The following CRB1 variants were observed in gnomAD, a reference collection of about 807,000 sequenced individuals.
The protein encoded by CRB1 is protein crumbs homolog 1.
In CRB1, 83 loss-of-function variants were observed where a neutral mutation model predicts 120.0. That is an observed-to-expected ratio of 0.69 (90% CI 0.58 to 0.83). The LOEUF is 0.83. Ranked by LOEUF, CRB1 falls within the 40% of genes least tolerant of loss-of-function variation. The pLI is 0.00. For missense variants in CRB1, 1,699 were observed against 1,687.6 expected, an observed-to-expected ratio of 1.01 and a Z score of -0.12; for synonymous variants, 625 against 612.5, an observed-to-expected ratio of 1.02 and a Z score of -0.30.
chr1:197,450,875 G>A (rs1482426912), intron 11 of CRB1, among the ~76,000 whole-genome samples: 3 of 147,690 alleles, frequency 2.0e-5, no homozygotes, highest in South Asian at 4.3e-4. Flanking sequence ...CAGGAGAATG[G>A]CGTGAACCCG....
chr1:197,240,974 G>A, the CRB1 span, among the ~76,000 whole-genome samples: 1 of 152,148 alleles, frequency 6.6e-6, no homozygotes, highest in African/African-American at 2.4e-5. Context: ...TTTCTCATAT[G>A]TTTGTTGGCC....
chr1:197,255,996 T>TATATATATATATATATATATATACAC, the CRB1 span, among the ~76,000 whole-genome samples: 5 of 116,704 alleles, frequency 4.3e-5, no homozygotes, highest in Non-Finnish European at 8.6e-5. Context: ...TATATATATA[T>TATATATATATATATATATATATACAC]ACACTACAAT....
chr1:197,248,212 C>T, the CRB1 span, among the ~76,000 whole-genome samples: 1 of 151,948 alleles, frequency 6.6e-6, no homozygotes, highest in Non-Finnish European at 1.5e-5. Flanking sequence ...TTGGACAAAA[C>T]TGAGCACAAT....
chr1:197,209,763 G>A, the CRB1 span, among the ~76,000 whole-genome samples: 13 of 152,112 alleles, frequency 8.5e-5, no homozygotes, highest in East Asian at 1.9e-4. Flanking sequence ...TTCTTGCTGC[G>A]TCTTCTACTC....
chr1:197,354,261 T>G (rs1660294006), intron 4 of CRB1, among the ~76,000 whole-genome samples: 1 of 152,240 alleles, frequency 6.6e-6, no homozygotes, highest in African/African-American at 2.4e-5. Context: ...TGTACATTAC[T>G]TATGACCCAC....
At chr1:197,448,377 T>C (rs1665802236) in intron 11 of CRB1, among the ~76,000 whole-genome samples, 1 of 152,230 alleles carries the variant, frequency 6.6e-6, no homozygotes, top group Non-Finnish European at 1.5e-5. Flanking sequence ...GGAGTTCCAC[T>C]GGTCTAGTGC....
At chr1:197,327,110 A>AC (rs1339276759) in intron 1 of CRB1, among the ~76,000 whole-genome samples, 45 of 125,600 alleles carry the variant, frequency 3.6e-4, no homozygotes, top group South Asian at 8.9e-4. Context: ...AAAAAAAAAA[A>AC]AAAAAAAAAA....
rs192819758 is a variant in CRB1 at position 197,477,960 on chromosome 1, C to T, written c.*81C>T. ...CTTCAGGTATCTCTGACATACCTGA[C>T]AATGTTAATCTGCAACTGGGATTAC... On this transcript the variant is annotated 3_prime_UTR_variant, in exon 12 of 12. Transcript: ENST00000367400. 1.5e-6 allele frequency: 2 copies of T among 1,317,246 alleles called. No individual in the cohort carries two copies. Among genetic ancestry groups the T allele is most frequent in the East Asian group, 2.3e-5 (1 of 43,468 alleles). 81.6% of individuals were successfully genotyped at this position (1,317,246 alleles called of 1,614,324 possible).
chr1:197,217,221 A>T, the CRB1 span, among the ~76,000 whole-genome samples: 1 of 152,188 alleles, frequency 6.6e-6, no homozygotes, highest in Non-Finnish European at 1.5e-5. Flanking sequence ...CCATAATTTT[A>T]AAATTGTTGT....
intron 1 of CRB1, among the ~76,000 whole-genome samples, chr1:197,316,852 C>T (rs994021549): frequency 4.0e-5 from 6 of 149,412 alleles, no homozygotes; most frequent in African/African-American, 1.5e-4. Context: ...TGTTTCTATA[C>T]ACCAATAGTG....
At chr1:197,317,543 T>A (rs1295877076) in intron 1 of CRB1, among the ~76,000 whole-genome samples, 1 of 151,794 alleles carries the variant, frequency 6.6e-6, no homozygotes, top group African/African-American at 2.4e-5. Flanking sequence ...ACCCAAGCAA[T>A]CTTGAGCAAA....
At chr1:197,463,930 T>C (rs1666640468) in intron 11 of CRB1, among the ~76,000 whole-genome samples, 1 of 152,136 alleles carries the variant, frequency 6.6e-6, no homozygotes, top group African/African-American at 2.4e-5. Flanking sequence ...TTACTCTGGG[T>C]TCCTGAAACT....
intron 1 of CRB1, among the ~76,000 whole-genome samples, chr1:197,288,376 G>A (rs546001252): frequency 6.6e-6 from 1 of 151,930 alleles, no homozygotes; most frequent in South Asian, 2.1e-4. Context: ...CTCCAGATTC[G>A]ATACGGTCTT....
At chr1:197,253,176 TTC>T in the CRB1 span, among the ~76,000 whole-genome samples, 1 of 152,084 alleles carries the variant, frequency 6.6e-6, no homozygotes, top group Non-Finnish European at 1.5e-5. Flanking sequence ...CATTCGTTAC[TTC>T]TCTCTCAGCA....
chr1:197,226,670 C>G, the CRB1 span, among the ~76,000 whole-genome samples: 1 of 152,098 alleles, frequency 6.6e-6, no homozygotes, highest in African/African-American at 2.4e-5. Context: ...GATTCTCTCT[C>G]TCCGTGTGTG....
chr1:197,252,582 A>ATGTATGTG, the CRB1 span, among the ~76,000 whole-genome samples: 1 of 15,512 alleles, frequency 6.4e-5, no homozygotes, highest in Non-Finnish European at 1.4e-4. Flanking sequence ...ATATATATAT[A>ATGTATGTG]TGTGTGTGTG....
At chr1:197,372,682 G>A (rs1340859283) in intron 5 of CRB1, among the ~76,000 whole-genome samples, 1 of 151,066 alleles carries the variant, frequency 6.6e-6, no homozygotes, top group African/African-American at 2.4e-5. Flanking sequence ...TTGAGACCAG[G>A]TTAGGCAATA....
chr1:197,316,569 GA>G (rs752390369), intron 1 of CRB1, among the ~76,000 whole-genome samples: 3 of 152,158 alleles, frequency 2.0e-5, no homozygotes, highest in Non-Finnish European at 4.4e-5. Context: ...AATACACAAA[GA>G]AAGTGAATAT....
At chr1:197,220,077 C>T in the CRB1 span, among the ~76,000 whole-genome samples, 4 of 152,020 alleles carry the variant, frequency 2.6e-5, no homozygotes, top group African/African-American at 9.7e-5. Context: ...AGTACATTTC[C>T]TCCAGTAGAC....
Sources: gnomAD v4.1 joint callset for allele counts (sites outside exome capture counted in the v4.1 genomes callset) on GRCh38, gnomAD v4.1.1 for gene constraint, MANE v1.5 for transcripts, NCBI Gene and HGNC (gene_info 2026-07-23, HGNC 2026-07-21) for gene names.